AMZ1: variants seen among roughly 807,000 people sequenced by gnomAD.
The protein encoded by AMZ1 is archaelysin family metallopeptidase 1, also known as archaemetzincin-1.
AMZ1 carries 39 observed loss-of-function variants against 29.9 expected under a neutral mutation model. The ratio of observed to expected loss-of-function variants is 1.30; its 90% CI spans 1.01 to 1.70. The LOEUF is 1.70. Among genes scored for constraint, AMZ1 ranks in the 40% most tolerant of loss-of-function variants. The pLI is 0.00. For synonymous variants in AMZ1, 458 were observed against 304.0 expected (o/e 1.51, Z -5.27); for missense variants, 1,041 against 680.6 (o/e 1.53, Z -5.89).
intron 1 of AMZ1, among the ~76,000 whole-genome samples, chr7:2,700,000 C>A (rs1330531087): frequency 6.6e-6 from 1 of 152,176 alleles, no homozygotes; most frequent in African/African-American, 2.4e-5. Flanking sequence ...CTGTGACCGT[C>A]CCCTGGGTGG....
intron 4 of AMZ1, among the ~76,000 whole-genome samples, chr7:2,755,198 G>C (rs1426319112): frequency 6.6e-6 from 1 of 152,224 alleles, no homozygotes; most frequent in Non-Finnish European, 1.5e-5. Context: ...ATCAGGGAGA[G>C]TGGCCCCTCC....
chr7:2,728,114 A>G (rs1468342104), intron 4 of AMZ1: 1 of 152,284 alleles, frequency 6.6e-6, no homozygotes, highest in African/African-American at 2.4e-5. Context: ...ATTTTATATT[A>G]AGCAAAGAAA....
chr7:2,752,085 C>A (rs916945460), intron 4 of AMZ1, among the ~76,000 whole-genome samples: 1 of 152,036 alleles, frequency 6.6e-6, no homozygotes, highest in East Asian at 1.9e-4. Flanking sequence ...TGAAAAGACA[C>A]AATATCTTTA....
At chr7:2,682,580 T>A (rs1175378799) in intron 1 of AMZ1, among the ~76,000 whole-genome samples, 1 of 152,126 alleles carries the variant, frequency 6.6e-6, no homozygotes, top group East Asian at 1.9e-4. Context: ...TCAGGCCCCG[T>A]GCATCCTGCC....
chr7:2,751,051 T>C (rs798500), intron 4 of AMZ1, among the ~76,000 whole-genome samples: 36,090 of 152,112 alleles, frequency 0.24, 5,049 homozygotes, highest in Non-Finnish European at 0.3. Flanking sequence ...TATCTTGAGA[T>C]GTTGCCACTA....
intron 1 of AMZ1, among the ~76,000 whole-genome samples, chr7:2,682,435 A>T (rs1236194764): frequency 8.5e-5 from 13 of 152,128 alleles, no homozygotes; most frequent in Non-Finnish European, 2.9e-5. Context: ...TTTGCTTTGC[A>T]TTCCTACAGT....
Position 2,698,331 on chromosome 7 carries a change from A to T in AMZ1, c.-218-1903A>T, listed in dbSNP as rs554954708. 2.5e-4 allele frequency among the ~76,000 whole-genome samples: 38 copies of T among 152,286 alleles called. No individual in the cohort carries two copies. The South Asian group carries it at 7.3e-3, about 29-fold the overall frequency. On this transcript the variant is annotated intron_variant, in intron 1 of 6. Coordinates refer to ENST00000683327, the MANE Select transcript of AMZ1 (RefSeq NM_001384743.1). The stretch of plus-strand genomic sequence containing the variant: ...GGCAGTCGGATCACTTGAGGTCAGG[A>T]GTTTGAGACCAGCCTGGCCAACATG...
intron 4 of AMZ1, among the ~76,000 whole-genome samples, chr7:2,747,230 T>G (rs1790810874): frequency 6.6e-6 from 1 of 152,206 alleles, no homozygotes; most frequent in Non-Finnish European, 1.5e-5. Context: ...AAGAGAATTT[T>G]AGACCAATAT....
intron 4 of AMZ1, among the ~76,000 whole-genome samples, chr7:2,727,787 C>T (rs1355063758): frequency 6.6e-6 from 1 of 152,078 alleles, no homozygotes; most frequent in East Asian, 1.9e-4. Context: ...GTGGCTCATG[C>T]CTGTAATCCC....
intron 4 of AMZ1, among the ~76,000 whole-genome samples, chr7:2,750,146 C>T (rs1039424925): frequency 5.3e-5 from 8 of 152,142 alleles, no homozygotes; most frequent in South Asian, 2.1e-4. Flanking sequence ...TCAGACTCTC[C>T]GGTCTGACAT....
At chr7:2,748,270 C>T (rs1290838108) in intron 4 of AMZ1, among the ~76,000 whole-genome samples, 6 of 152,058 alleles carry the variant, frequency 3.9e-5, no homozygotes, top group Admixed American at 2.6e-4. Context: ...TACTACAAGG[C>T]TACAGTAACC....
rs1248032192 is a variant in AMZ1 at position 2,716,964 on chromosome 7, G to A, written c.*4086G>A. Among the ~76,000 whole-genome samples the A allele has an allele frequency of 1.3e-5, 2 of 152,206 alleles. No individual in the cohort carries two copies. Among genetic ancestry groups the A allele is most frequent in the African/African-American group, 2.4e-5 (1 of 41,464 alleles). On this transcript the variant is annotated 3_prime_UTR_variant, in exon 7 of 7. Transcript: ENST00000683327. ...TTGAACCCCGAGTTCTCCCGCTGTT[G>A]TGCAGCTTTCTAAAAGCAAGCTGGA...
upstream of AMZ1, among the ~76,000 whole-genome samples, chr7:2,687,546 C>T (rs1256058389): frequency 1.3e-5 from 2 of 152,222 alleles, no homozygotes; most frequent in Non-Finnish European, 2.9e-5. Context: ...TCATGCCGGC[C>T]TTCACGGCAT....
intron 2 of AMZ1, among the ~76,000 whole-genome samples, chr7:2,701,357 C>T (rs562794574): frequency 2.2e-4 from 33 of 152,106 alleles, no homozygotes; most frequent in Non-Finnish European, 4.4e-4. Flanking sequence ...CTGGTAGGGA[C>T]GGGACTGGAA....
downstream of AMZ1, among the ~76,000 whole-genome samples, chr7:2,722,366 G>A (rs1008356971): frequency 1.3e-5 from 2 of 151,748 alleles, no homozygotes; most frequent in Admixed American, 6.6e-5. Context: ...TCTGCCTCCC[G>A]GGTTCATGCC....
intron 4 of AMZ1, among the ~76,000 whole-genome samples, chr7:2,748,428 A>C (rs1193732289): frequency 6.6e-6 from 1 of 152,174 alleles, no homozygotes; most frequent in Non-Finnish European, 1.5e-5. Context: ...CCTATTTAAT[A>C]AATGGTGCTG....
chr7:2,755,124 C>T (rs554552518), intron 4 of AMZ1, among the ~76,000 whole-genome samples: 261 of 152,286 alleles, frequency 1.7e-3, no homozygotes, highest in South Asian at 3.1e-3. Context: ...CCAGTGACCT[C>T]GTGTCTCTCC....
chr7:2,712,507 A>G lies in AMZ1; in HGVS notation c.1126A>G (p.Thr376Ala), dbSNP rs1472683658. ...EPLTPDAGSH[T>A]FASGPEEGLS... ...CCTCACCCCTGATGCCGGGAGTCACACCTTCGCCTCGGGGCCAGAGGAAGG... is the reference window on the plus strand; with the variant it reads ...CCTCACCCCTGATGCCGGGAGTCACGCCTTCGCCTCGGGGCCAGAGGAAGG... The change falls in exon 7 of 7, where the codon ACC becomes GCC. Residue 376 changes from threonine (T) to alanine (A), a missense_variant. Transcript: ENST00000683327. 1 of 1,608,700 alleles carries G rather than the reference A, an allele frequency of 6.2e-7. No individual in the cohort carries two copies. The highest frequency in any genetic ancestry group is 2.2e-5 in the East Asian group (1 of 44,738).
chr7:2,742,518 T>C (rs208353), intron 4 of AMZ1, among the ~76,000 whole-genome samples: 143,378 of 152,260 alleles, frequency 0.94, 67,609 homozygotes, highest in East Asian at 1. Context: ...TCACAGACGC[T>C]GTCATTTTCC....
Sources: gnomAD v4.1 joint callset for allele counts (sites outside exome capture counted in the v4.1 genomes callset) on GRCh38, gnomAD v4.1.1 for gene constraint, MANE v1.5 for transcripts, NCBI Gene and HGNC (gene_info 2026-07-23, HGNC 2026-07-21) for gene names.